The following AGBL1 variants were observed in gnomAD, a reference collection of about 807,000 sequenced individuals.
AGBL1 encodes AGBL carboxypeptidase 1, also known as cytosolic carboxypeptidase 4.
In AGBL1, 130 loss-of-function variants were observed where a neutral mutation model predicts 118.9. That is an observed-to-expected ratio of 1.09 (90% CI 0.95 to 1.26). AGBL1 has a LOEUF of 1.26. Among genes scored for constraint, AGBL1 ranks in the 50% most tolerant of loss-of-function variants. The pLI, the probability that AGBL1 is intolerant of heterozygous loss-of-function variation, is 0.00. For synonymous variants in AGBL1, 555 were observed against 478.9 expected, an observed-to-expected ratio of 1.16 and a Z score of -2.08; for missense variants, 1,584 against 1,298.1, an observed-to-expected ratio of 1.22 and a Z score of -3.38.
chr15:86,742,640 T>C (rs1215737649), intron 22 of AGBL1, among the ~76,000 whole-genome samples: 2 of 152,150 alleles, frequency 1.3e-5, no homozygotes, highest in Non-Finnish European at 2.9e-5. Context: ...GCTGTGGCTT[T>C]CCCAAGGATT....
At chr15:86,370,444 A>G (rs561555670) in intron 17 of AGBL1, among the ~76,000 whole-genome samples, 2 of 151,846 alleles carry the variant, frequency 1.3e-5, no homozygotes, top group South Asian at 4.2e-4. Context: ...AGCCGGGATT[A>G]CAGGCACCCG....
chr15:86,462,413 A>T (rs990302658), intron 18 of AGBL1, among the ~76,000 whole-genome samples: 9 of 151,958 alleles, frequency 5.9e-5, no homozygotes, highest in Non-Finnish European at 1.3e-4. Flanking sequence ...CCTCTGCTGC[A>T]TCATTTCTTT....
intron 21 of AGBL1, 112 bp from the exon 22 acceptor site, chr15:86,674,161 T>G: frequency 1.0e-6 from 1 of 1,001,380 alleles, no homozygotes; most frequent in South Asian, 1.6e-5. Context: ...TACAATTAAT[T>G]CTCACTGTCT....
chr15:86,279,044 T>G (rs2079304370), intron 15 of AGBL1, among the ~76,000 whole-genome samples: 1 of 152,244 alleles, frequency 6.6e-6, no homozygotes, highest in Non-Finnish European at 1.5e-5. Context: ...TATCTACCAT[T>G]TAGCTTTGAG....
chr15:86,716,927 G>A (rs1056351947), intron 22 of AGBL1, among the ~76,000 whole-genome samples: 2 of 152,178 alleles, frequency 1.3e-5, no homozygotes, highest in Non-Finnish European at 2.9e-5. Flanking sequence ...GGGAGAAGTT[G>A]TTTTATCATT....
chr15:86,545,412 C>A (rs989823082), intron 19 of AGBL1, among the ~76,000 whole-genome samples: 1 of 151,292 alleles, frequency 6.6e-6, no homozygotes, highest in East Asian at 1.9e-4. Flanking sequence ...TTTTTTTTAA[C>A]CTTCAAGTTC....
chr15:86,880,209 A>G (rs1282268179), intron 22 of AGBL1, among the ~76,000 whole-genome samples: 2 of 152,198 alleles, frequency 1.3e-5, no homozygotes, highest in Non-Finnish European at 1.5e-5. Context: ...GCTTTCCTTG[A>G]CCTAAATGCA....
At chr15:86,968,838 T>G (rs1320285192) in intron 23 of AGBL1, among the ~76,000 whole-genome samples, 1 of 151,890 alleles carries the variant, frequency 6.6e-6, no homozygotes, top group Non-Finnish European at 1.5e-5. Flanking sequence ...TAAGGGCTTG[T>G]TACTCACAGA....
rs957186808 is a variant in AGBL1 at position 86,591,479 on chromosome 15, G to A, written c.2994+36942G>A. Among the ~76,000 whole-genome samples, 3 of 152,114 alleles carry A rather than the reference G, an allele frequency of 2.0e-5. No homozygotes were observed. In the East Asian group the frequency reaches 5.8e-4, roughly 29 times the overall value. ...TTCTGACCCACTGGCTTGAAGTTGG[G>A]GTTCCCATGATTACCTCTTTAAATT... On this transcript the variant is annotated intron_variant, in intron 21 of 22. Coordinates refer to ENST00000614907, the MANE Select transcript of AGBL1 (RefSeq NM_001386094.1).
intron 1 of AGBL1, among the ~76,000 whole-genome samples, chr15:86,133,665 T>G (rs923032608): frequency 1.3e-5 from 2 of 152,172 alleles, no homozygotes; most frequent in African/African-American, 2.4e-5. Context: ...TGAATACCCT[T>G]TTTACCGAGG....
intron 1 of AGBL1, among the ~76,000 whole-genome samples, chr15:86,123,962 G>T (rs1047859929): frequency 6.6e-6 from 1 of 152,184 alleles, no homozygotes; most frequent in African/African-American, 2.4e-5. Context: ...CATGGTAACT[G>T]GGTGGGATAT....
intron 1 of AGBL1, among the ~76,000 whole-genome samples, chr15:86,106,803 G>T (rs536311889): frequency 6.6e-6 from 1 of 152,334 alleles, no homozygotes; most frequent in Non-Finnish European, 1.5e-5. Context: ...CAGAGATGCT[G>T]TACTTGCTAG....
At position 86,700,494 on chromosome 15, in the gene AGBL1, CACACACACACACACACAA is replaced by C. The variant is rs1321537640; in HGVS notation, c.3158+26060_3158+26077del. On this transcript the variant is annotated intron_variant, in intron 22 of 22. Coordinates refer to ENST00000614907, the MANE Select transcript of AGBL1 (RefSeq NM_001386094.1). Reference sequence around the variant, plus strand: ...ACACACACACACACACACACACACACACACACACACACACACAAAATCTCTCTTGAAGTGGTCTTTCTC... The same window carrying C: ...ACACACACACACACACACACACACACAATCTCTCTTGAAGTGGTCTTTCTC... Among the ~76,000 whole-genome samples the C allele has an allele frequency of 1.8e-4, 22 of 125,514 alleles. 1 individual carries two copies. The highest frequency in any genetic ancestry group is 6.4e-4 in the East Asian group (2 of 3,108). The allele number at this position is 125,514 out of a possible 152,430, so 82.3% of individuals were successfully genotyped here.
At chr15:86,434,758 A>C (rs948404389) in intron 18 of AGBL1, among the ~76,000 whole-genome samples, 1 of 152,210 alleles carries the variant, frequency 6.6e-6, no homozygotes, top group African/African-American at 2.4e-5. Flanking sequence ...TATCTGTAGC[A>C]TTGCAGCAAC....
intron 9 of AGBL1, among the ~76,000 whole-genome samples, chr15:86,262,347 G>A (rs373868428): frequency 2.0e-5 from 3 of 152,096 alleles, no homozygotes; most frequent in East Asian, 3.9e-4. Context: ...CTTCAGTACC[G>A]GGAAGAGTAC....
chr15:86,757,471 T>C (rs1363735764), intron 22 of AGBL1, among the ~76,000 whole-genome samples: 2 of 152,112 alleles, frequency 1.3e-5, no homozygotes, highest in Non-Finnish European at 2.9e-5. Flanking sequence ...TACTTTCTGT[T>C]GCCATTTCTT....
intron 22 of AGBL1, among the ~76,000 whole-genome samples, chr15:86,708,320 A>T (rs1033541016): frequency 2.0e-5 from 3 of 152,100 alleles, no homozygotes; most frequent in Admixed American, 6.6e-5. Flanking sequence ...AAGAAAAGAC[A>T]TAGGAGAGGT....
chr15:87,009,892 A>C (rs2081540876), intron 24 of AGBL1, among the ~76,000 whole-genome samples: 1 of 152,018 alleles, frequency 6.6e-6, no homozygotes, highest in African/African-American at 2.4e-5. Context: ...CAATGCCTAC[A>C]CCCCTATTTT....
intron 23 of AGBL1, among the ~76,000 whole-genome samples, chr15:86,979,228 C>T (rs58196401): frequency 0.16 from 24,919 of 152,068 alleles, 2,110 homozygotes; most frequent in Non-Finnish European, 0.18. Flanking sequence ...GAATAAGCCG[C>T]TCTTTAAGAA....
Sources: allele counts gnomAD v4.1 joint callset (sites outside exome capture counted in the v4.1 genomes callset), GRCh38; gene constraint gnomAD v4.1.1; transcripts MANE v1.5; gene names NCBI Gene and HGNC (gene_info 2026-07-23, HGNC 2026-07-21).